Variants in PTPRG observed in about 807,000 individuals in gnomAD.
The protein encoded by PTPRG is receptor-type tyrosine-protein phosphatase gamma.
PTPRG carries 102 observed loss-of-function variants against 165.3 expected under a neutral mutation model. The observed-to-expected ratio is 0.62, with a 90% confidence interval of 0.53 to 0.73. The LOEUF is 0.73. Ranked by LOEUF, PTPRG falls within the 30% of genes least tolerant of loss-of-function variation. PTPRG has a pLI of 0.00. For synonymous variants in PTPRG, 675 were observed against 669.5 expected, an observed-to-expected ratio of 1.01 and a Z score of -0.13; for missense variants, 1,866 against 1,861.4, an observed-to-expected ratio of 1.00 and a Z score of -0.05.
chr3:61,747,195 TA>T (rs552324189), intron 1 of PTPRG, among the ~76,000 whole-genome samples: 4 of 152,344 alleles, frequency 2.6e-5, no homozygotes, highest in African/African-American at 9.6e-5. Flanking sequence ...TAACTTGCGT[TA>T]TCTTTGTAAC....
At chr3:62,007,547 T>C (rs17065676) in intron 4 of PTPRG, among the ~76,000 whole-genome samples, 8,340 of 152,324 alleles carry the variant, frequency 0.055, 342 homozygotes, top group African/African-American at 0.11. Context: ...ATTCCTTGCC[T>C]AGCAGCACAT....
rs1700593405 is a variant in PTPRG, at chr3:62,219,310, C to T, written c.2288+327C>T. Among the ~76,000 whole-genome samples, 1 of 152,196 alleles carries T rather than the reference C, an allele frequency of 6.6e-6. No individual in the cohort carries two copies. On this transcript the variant is annotated intron_variant, in intron 13 of 29. Coordinates refer to ENST00000474889, the MANE Select transcript of PTPRG (RefSeq NM_002841.4). The surrounding 1 kb of genome is among the most constrained non-coding windows in gnomAD (Gnocchi z 4.5). Reference sequence around the variant, plus strand: ...TCCACTTTGATTGTTAGTTTCAGAACCAGCAAAATGAGTTAACAAGTCATA... The same window carrying T: ...TCCACTTTGATTGTTAGTTTCAGAATCAGCAAAATGAGTTAACAAGTCATA...
At chr3:61,935,987 A>T (rs1265646813) in intron 2 of PTPRG, among the ~76,000 whole-genome samples, 1 of 152,170 alleles carries the variant, frequency 6.6e-6, no homozygotes, top group Non-Finnish European at 1.5e-5. Context: ...CTTTGCCCTC[A>T]TGAATGGTAT....
intron 1 of PTPRG, among the ~76,000 whole-genome samples, chr3:61,571,655 C>T (rs1483723895): frequency 6.6e-6 from 1 of 152,122 alleles, no homozygotes; most frequent in Non-Finnish European, 1.5e-5. Context: ...GACACTACTC[C>T]TCTTCCAAAT....
chr3:61,623,180 G>A (rs370937163), intron 1 of PTPRG, among the ~76,000 whole-genome samples: 2 of 152,184 alleles, frequency 1.3e-5, no homozygotes, highest in East Asian at 3.8e-4. Flanking sequence ...AGAATCGTAA[G>A]ATACCAAACC....
At chr3:61,756,287 A>G (rs1178136898) in intron 2 of PTPRG, among the ~76,000 whole-genome samples, 2 of 152,134 alleles carry the variant, frequency 1.3e-5, no homozygotes, top group Non-Finnish European at 2.9e-5. Context: ...ATGTTTTTGG[A>G]TAGGAGGGCT....
chr3:61,970,041 T>A (rs535094247), intron 2 of PTPRG, among the ~76,000 whole-genome samples: 3 of 152,354 alleles, frequency 2.0e-5, no homozygotes, highest in South Asian at 4.1e-4. Flanking sequence ...TTCCTATCAC[T>A]CCTTTTTAGC....
chr3:62,111,394 G>A (rs1702661579), intron 5 of PTPRG, among the ~76,000 whole-genome samples: 1 of 152,210 alleles, frequency 6.6e-6, no homozygotes, highest in Non-Finnish European at 1.5e-5. Flanking sequence ...GAGACTGACA[G>A]TGTGCTTTAA....
At chr3:61,768,663 T>G (rs2034110466) in intron 2 of PTPRG, among the ~76,000 whole-genome samples, 2 of 152,214 alleles carry the variant, frequency 1.3e-5, no homozygotes, top group South Asian at 4.1e-4. Flanking sequence ...GCAAGACTTC[T>G]CAGATCCTTT....
chr3:62,279,045 A>G (rs6445260), intron 26 of PTPRG, among the ~76,000 whole-genome samples: 84,823 of 151,834 alleles, frequency 0.56, 24,276 homozygotes, highest in African/African-American at 0.65. Context: ...CTGAGGCCTC[A>G]GAAGGCTAGA....
chr3:61,703,728 A>G (rs576237636), intron 1 of PTPRG, among the ~76,000 whole-genome samples: 74 of 152,090 alleles, frequency 4.9e-4, no homozygotes, highest in African/African-American at 1.6e-3. Context: ...TAAATTTCAA[A>G]CCCATTTCAT....
intron 2 of PTPRG, among the ~76,000 whole-genome samples, chr3:61,939,737 A>T (rs528898131): frequency 6.6e-6 from 1 of 152,146 alleles, no homozygotes. Context: ...GCAAAGCTAA[A>T]TAGGGAACTC....
At chr3:62,017,417 GA>G (rs1483560003) in intron 4 of PTPRG, among the ~76,000 whole-genome samples, 1 of 81,574 alleles carries the variant, frequency 1.2e-5, no homozygotes, top group Non-Finnish European at 2.4e-5. Context: ...CTCAGAAAAT[GA>G]TTTTTTTTTT....
intron 2 of PTPRG, among the ~76,000 whole-genome samples, chr3:61,901,949 C>A (rs1022062425): frequency 1.3e-5 from 2 of 152,166 alleles, no homozygotes; most frequent in Non-Finnish European, 2.9e-5. Context: ...TATTTTTATA[C>A]CTCTTCCCCC....
At chr3:61,946,234 T>C (rs772272297) in intron 2 of PTPRG, among the ~76,000 whole-genome samples, 18 of 152,194 alleles carry the variant, frequency 1.2e-4, no homozygotes, top group South Asian at 4.1e-4. Context: ...AATTTTAAAA[T>C]TTTCTATCAA....
At chr3:61,913,222 T>C (rs2038846379) in intron 2 of PTPRG, among the ~76,000 whole-genome samples, 2 of 152,158 alleles carry the variant, frequency 1.3e-5, no homozygotes, top group Admixed American at 1.3e-4. Flanking sequence ...AACGTTTTCT[T>C]TTTTATTTTT....
At chr3:62,159,918 TCGC>T (rs1225758881) in intron 7 of PTPRG, among the ~76,000 whole-genome samples, 3 of 152,204 alleles carry the variant, frequency 2.0e-5, no homozygotes. Context: ...AGGAAAGCAT[TCGC>T]CATCCAAGTA....
intron 2 of PTPRG, among the ~76,000 whole-genome samples, chr3:61,915,715 T>G (rs1185408000): frequency 1.3e-5 from 2 of 152,228 alleles, no homozygotes; most frequent in Non-Finnish European, 2.9e-5. Flanking sequence ...AGTATCTGAT[T>G]ATGTTTCAGA....
At chr3:62,288,448 G>A (rs1037248927) in intron 28 of PTPRG, among the ~76,000 whole-genome samples, 1 of 152,148 alleles carries the variant, frequency 6.6e-6, no homozygotes, top group African/African-American at 2.4e-5. Flanking sequence ...GCCAAGGCGG[G>A]CAGATCACCA....
Sources: allele counts gnomAD v4.1 joint callset (sites outside exome capture counted in the v4.1 genomes callset), GRCh38; gene constraint gnomAD v4.1.1; non-coding constraint Gnocchi (gnomAD v3.1); transcripts MANE v1.5; gene names NCBI Gene and HGNC (gene_info 2026-07-23, HGNC 2026-07-21).